The following MGAT4C variants were observed in gnomAD, a reference collection of about 807,000 sequenced individuals.
MGAT4C encodes alpha-1,3-mannosyl-glycoprotein 4-beta-N-acetylglucosaminyltransferase C.
In MGAT4C, 19 loss-of-function variants were observed where a neutral mutation model predicts 40.1. The observed-to-expected ratio is 0.47, with a 90% CI of 0.33 to 0.70. The LOEUF is 0.70. MGAT4C is among the 30% of genes least tolerant of loss of function. MGAT4C has a pLI of 0.02. For missense variants in MGAT4C, 491 were observed against 563.2 expected (o/e 0.87, Z 1.30); for synonymous variants, 181 against 187.1 (o/e 0.97, Z 0.27).
rs73387516 is a variant in MGAT4C at position 86,222,672 on chromosome 12, A to C, written c.-57+33567T>G. Among the ~76,000 whole-genome samples, 753 of 152,322 alleles carry C rather than the reference A, an allele frequency of 4.9e-3. 3 individuals are homozygous for C. The highest frequency in any genetic ancestry group is 0.018 in the African/African-American group (731 of 41,574). On this transcript the variant is annotated intron_variant, in intron 1 of 4. Coordinates refer to ENST00000611864, the MANE Select transcript of MGAT4C (RefSeq NM_001351288.2). ...TTCAAAATGAACGTTTAAGATTTTG[A>C]AACTCTATTATAATATTATTCCTTT...
intron 2 of MGAT4C, among the ~76,000 whole-genome samples, chr12:86,510,488 C>T (rs1958555297): frequency 1.3e-5 from 2 of 152,074 alleles, no homozygotes; most frequent in African/African-American, 2.4e-5. Context: ...TCACACATAA[C>T]AATATTAACC....
At chr12:86,300,322 T>A (rs1287318669) in intron 4 of MGAT4C, among the ~76,000 whole-genome samples, 1 of 152,204 alleles carries the variant, frequency 6.6e-6, no homozygotes, top group East Asian at 1.9e-4. Context: ...AGAAACTGGT[T>A]GTCAGCTTCT....
chr12:86,421,663 T>C (rs1344116428), intron 3 of MGAT4C, among the ~76,000 whole-genome samples: 1 of 151,892 alleles, frequency 6.6e-6, no homozygotes, highest in Non-Finnish European at 1.5e-5. Context: ...ATTATCCAAG[T>C]CACTCAGGGA....
intron 2 of MGAT4C, among the ~76,000 whole-genome samples, chr12:86,612,682 G>C (rs1191407853): frequency 6.7e-6 from 1 of 148,412 alleles, no homozygotes; most frequent in African/African-American, 2.5e-5. Flanking sequence ...GAAGGCTGCA[G>C]TGAGAGGAGA....
intron 1 of MGAT4C, among the ~76,000 whole-genome samples, chr12:86,814,708 T>G (rs1952566616): frequency 6.6e-6 from 1 of 152,040 alleles, no homozygotes; most frequent in East Asian, 2.0e-4. Context: ...TGGGAAGTGA[T>G]TAAGTAATGA....
In MGAT4C at chr12:86,204,903, T is replaced by A. The variant is rs1046825800; in HGVS notation, c.-57+51336A>T. Among the ~76,000 whole-genome samples, 6 of 152,168 alleles carry A rather than the reference T, an allele frequency of 3.9e-5. No individual in the cohort carries two copies. In the East Asian group the frequency reaches 1.2e-3, roughly 29 times the overall value. On this transcript the variant is annotated intron_variant, in intron 1 of 4. Coordinates refer to ENST00000611864, the MANE Select transcript of MGAT4C (RefSeq NM_001351288.2). ...CACAGTTTTTCAAAGAAAACAATGA[T>A]AATTCAGAGCACAGACTTTTTAAAA...
intron 4 of MGAT4C, among the ~76,000 whole-genome samples, chr12:86,298,427 C>G (rs1026608124): frequency 3.9e-5 from 6 of 151,946 alleles, no homozygotes; most frequent in Non-Finnish European, 5.9e-5. Flanking sequence ...TTCTGAAAAC[C>G]GATTTAATGT....
chr12:86,783,925 G>T (rs1354651228), intron 1 of MGAT4C, among the ~76,000 whole-genome samples: 1 of 152,056 alleles, frequency 6.6e-6, no homozygotes, highest in African/African-American at 2.4e-5. Flanking sequence ...TTATAATACA[G>T]AAGGAAAAAT....
intron 2 of MGAT4C, among the ~76,000 whole-genome samples, chr12:86,555,223 GA>G (rs1406359948): frequency 2.0e-5 from 3 of 151,942 alleles, no homozygotes; most frequent in African/African-American, 7.3e-5. Flanking sequence ...CAGGAGACTG[GA>G]ATGGGGACAT....
At position 85,974,589 on chromosome 12, in the gene MGAT4C, C is replaced by T. The variant is rs1310409978; in HGVS notation, c.*4700G>A. On this transcript the variant is annotated 3_prime_UTR_variant, in exon 5 of 5. Coordinates refer to ENST00000611864, the MANE Select transcript of MGAT4C (RefSeq NM_001351288.2). Reference sequence around the variant, plus strand: ...GAGAGATTAACCATATGTAGATACACACATGCACATATGCAATAATGAAAT... The same window carrying T: ...GAGAGATTAACCATATGTAGATACATACATGCACATATGCAATAATGAAAT... 1 of 150,268 alleles carries T rather than the reference C, an allele frequency of 6.7e-6. No individual in the cohort carries two copies. Among genetic ancestry groups the T allele is most frequent in the African/African-American group, 2.4e-5 (1 of 41,148 alleles). 9.3% of individuals were successfully genotyped at this position (150,268 alleles called of 1,614,324 possible).
intron 2 of MGAT4C, among the ~76,000 whole-genome samples, chr12:86,565,034 T>C (rs891804865): frequency 6.6e-6 from 1 of 152,158 alleles, no homozygotes; most frequent in African/African-American, 2.4e-5. Context: ...TGCAGATAAC[T>C]ACTCTCTTCT....
At chr12:86,534,193 T>C (rs992082601) in intron 2 of MGAT4C, among the ~76,000 whole-genome samples, 6 of 152,086 alleles carry the variant, frequency 3.9e-5, no homozygotes, top group Non-Finnish European at 8.8e-5. Context: ...TGAAGCTTGC[T>C]ACCTGGAAGC....
intron 2 of MGAT4C, among the ~76,000 whole-genome samples, chr12:86,458,427 T>C (rs146072813): frequency 2.0e-5 from 3 of 152,186 alleles, no homozygotes; most frequent in African/African-American, 7.2e-5. Context: ...TTATCCTGAA[T>C]CTACCTCAGC....
intron 3 of MGAT4C, among the ~76,000 whole-genome samples, chr12:86,352,997 C>G (rs1258061620): frequency 6.8e-6 from 1 of 148,032 alleles, no homozygotes; most frequent in Non-Finnish European, 1.5e-5. Context: ...TGCACATGTA[C>G]CCTAAAACTT....
intron 1 of MGAT4C, among the ~76,000 whole-genome samples, chr12:86,096,362 T>C (rs1873912029): frequency 6.6e-6 from 1 of 151,320 alleles, no homozygotes; most frequent in African/African-American, 2.4e-5. Flanking sequence ...TTCTATTACT[T>C]GCCTATCTTC....
chr12:86,470,029 T>A (rs1384057976), intron 2 of MGAT4C, among the ~76,000 whole-genome samples: 1 of 152,124 alleles, frequency 6.6e-6, no homozygotes, highest in Non-Finnish European at 1.5e-5. Context: ...TAAATAGTAT[T>A]CCGCTGTATG....
intron 2 of MGAT4C, among the ~76,000 whole-genome samples, chr12:86,552,026 C>CAAAAAAAAAA (rs201076856): frequency 3.3e-5 from 2 of 60,654 alleles, no homozygotes; most frequent in African/African-American, 6.6e-5. Context: ...TTAAAAAAAG[C>CAAAAAAAAAA]AAAAAAAAAA....
chr12:86,470,231 A>G (rs1462419335), intron 2 of MGAT4C, among the ~76,000 whole-genome samples: 1 of 152,176 alleles, frequency 6.6e-6, no homozygotes, highest in East Asian at 1.9e-4. Context: ...AGTCTTGCTT[A>G]CTTCTAGAGG....
intron 2 of MGAT4C, among the ~76,000 whole-genome samples, chr12:86,549,332 T>A (rs1038040821): frequency 6.6e-6 from 1 of 152,262 alleles, no homozygotes; most frequent in East Asian, 1.9e-4. Context: ...ACTGCCAATG[T>A]TTCATCAGAA....
Sources: allele counts gnomAD v4.1 joint callset (sites outside exome capture counted in the v4.1 genomes callset), GRCh38; gene constraint gnomAD v4.1.1; transcripts MANE v1.5; gene names NCBI Gene and HGNC (gene_info 2026-07-23, HGNC 2026-07-21).